Variants in CNTNAP4 observed in about 807,000 individuals in gnomAD.
CNTNAP4 encodes contactin associated protein family member 4.
In CNTNAP4, 98 loss-of-function variants were observed where a neutral mutation model predicts 148.4. The ratio of observed to expected loss-of-function variants is 0.66; its 90% CI spans 0.56 to 0.78. The LOEUF is 0.78. Among genes scored for constraint, CNTNAP4 ranks in the 30% least tolerant of loss-of-function variants. The pLI is 0.00. For missense variants in CNTNAP4, 1,935 were observed against 1,565.6 expected (o/e 1.24, Z -3.98); for synonymous variants, 730 against 565.1 (o/e 1.29, Z -4.14).
At chr16:76,457,396 G>T (rs1329852473) in intron 8 of CNTNAP4, among the ~76,000 whole-genome samples, 2 of 152,178 alleles carry the variant, frequency 1.3e-5, no homozygotes, top group African/African-American at 4.8e-5. Flanking sequence ...CTTTCTGAAG[G>T]TTCCCCCACA....
At chr16:76,476,919 G>T (rs930162874) in intron 11 of CNTNAP4, among the ~76,000 whole-genome samples, 4 of 151,854 alleles carry the variant, frequency 2.6e-5, no homozygotes, top group Admixed American at 6.6e-5. Context: ...ATAAGGAAAA[G>T]GGTGGTAGAT....
intron 1 of CNTNAP4, among the ~76,000 whole-genome samples, chr16:76,309,182 G>A (rs147960483): frequency 6.6e-6 from 1 of 151,982 alleles, no homozygotes; most frequent in Non-Finnish European, 1.5e-5. Context: ...ATGGACTTTG[G>A]TGGCTCTTTT....
chr16:76,448,125 G>A lies in CNTNAP4; in HGVS notation c.652G>A (p.Asp218Asn). 2 of 1,613,366 alleles carry A rather than the reference G, an allele frequency of 1.2e-6. No homozygotes were observed. Among genetic ancestry groups the A allele is most frequent in the Non-Finnish European group, 1.7e-6 (2 of 1,179,414 alleles). The stretch of plus-strand genomic sequence containing the variant: ...TTTGAAATTCAAAACCATGCAGAGT[G>A]ATGGGATTCTACTCCACAGGGAAGG... Reference protein sequence around the residue: ...ISLKFKTMQSDGILLHREGPN... With the variant: ...ISLKFKTMQSNGILLHREGPN... The change falls in exon 5 of 24, where the codon GAT becomes AAT. Residue 218 changes from aspartate (D) to asparagine (N), a missense_variant. Asp to Asn is a conservative substitution (Grantham distance 23). Coordinates refer to ENST00000611870, the MANE Select transcript of CNTNAP4 (RefSeq NM_033401.5).
At chr16:76,464,912 G>C (rs1288501728) in intron 9 of CNTNAP4, among the ~76,000 whole-genome samples, 1 of 152,116 alleles carries the variant, frequency 6.6e-6, no homozygotes, top group African/African-American at 2.4e-5. Context: ...TTTAAATTTA[G>C]ATTCTCTAGA....
Position 76,299,384 on chromosome 16 carries a change from A to C in CNTNAP4, c.86-17029A>C, listed in dbSNP as rs145793138. On this transcript the variant is annotated intron_variant, in intron 1 of 23. Transcript: ENST00000611870. ...GAAGACATTTATGCAGCCGACAGAC[A>C]CATGAAAAAATGCTCATCATCACTG... 5.1e-3 allele frequency among the ~76,000 whole-genome samples: 781 copies of C among 152,348 alleles called. 5 individuals are homozygous for C. Among genetic ancestry groups the C allele is most frequent in the African/African-American group, 0.018 (739 of 41,578 alleles).
chr16:76,560,405 G>C lies in CNTNAP4; in HGVS notation c.*1722G>C, dbSNP rs1597172382. 6.6e-6 allele frequency among the ~76,000 whole-genome samples: 1 copy of C among 152,114 alleles called. No homozygotes were observed. The highest frequency in any genetic ancestry group is 1.5e-5 in the Non-Finnish European group (1 of 68,004). ...ACATAGTAGTTTACGAAGGACTAAG[G>C]ACCTATGTTGGTAGATGGTATACTC... On this transcript the variant is annotated 3_prime_UTR_variant, in exon 24 of 24. Transcript: ENST00000611870.
At chr16:76,430,408 A>G (rs1218344015) in intron 4 of CNTNAP4, among the ~76,000 whole-genome samples, 1 of 152,168 alleles carries the variant, frequency 6.6e-6, no homozygotes. Context: ...GAAGGGCTGT[A>G]GTTGCTATCA....
intron 3 of CNTNAP4, among the ~76,000 whole-genome samples, chr16:76,357,980 TCTG>T (rs1366085339): frequency 6.6e-6 from 1 of 152,170 alleles, no homozygotes; most frequent in Non-Finnish European, 1.5e-5. Flanking sequence ...AGTATGTCAG[TCTG>T]CTAATCTGTG....
At chr16:76,511,054 G>T (rs1019257502) in intron 15 of CNTNAP4, among the ~76,000 whole-genome samples, 1 of 152,044 alleles carries the variant, frequency 6.6e-6, no homozygotes, top group African/African-American at 2.4e-5. Context: ...TGTGATAAAA[G>T]GTATATACAC....
chr16:76,388,855 G>A (rs536799470), intron 3 of CNTNAP4, among the ~76,000 whole-genome samples: 1 of 152,150 alleles, frequency 6.6e-6, no homozygotes, highest in Non-Finnish European at 1.5e-5. Context: ...GTACAAGTCT[G>A]TCCCAACATG....
At chr16:76,401,385 A>G (rs1451802023) in intron 3 of CNTNAP4, among the ~76,000 whole-genome samples, 1 of 152,040 alleles carries the variant, frequency 6.6e-6, no homozygotes, top group Non-Finnish European at 1.5e-5. Context: ...TGATTTTTGG[A>G]CATTGATTTT....
chr16:76,383,057 C>G (rs897797633), intron 3 of CNTNAP4, among the ~76,000 whole-genome samples: 2 of 151,486 alleles, frequency 1.3e-5, no homozygotes, highest in East Asian at 1.9e-4. Flanking sequence ...GCCAGAGAAT[C>G]AACTCATTAG....
intron 3 of CNTNAP4, among the ~76,000 whole-genome samples, chr16:76,380,125 T>C (rs771128036): frequency 6.6e-6 from 1 of 152,228 alleles, no homozygotes; most frequent in Non-Finnish European, 1.5e-5. Flanking sequence ...AGTTCAATTA[T>C]GCTGGAAAAT....
chr16:76,532,791 T>C (rs1457319750), intron 17 of CNTNAP4, among the ~76,000 whole-genome samples: 1 of 152,138 alleles, frequency 6.6e-6, no homozygotes, highest in Non-Finnish European at 1.5e-5. Flanking sequence ...CCAAAGACTT[T>C]GAGCCCTGGG....
chr16:76,443,311 T>C (rs1370498994), intron 4 of CNTNAP4, among the ~76,000 whole-genome samples: 1 of 152,202 alleles, frequency 6.6e-6, no homozygotes, highest in African/African-American at 2.4e-5. Flanking sequence ...ATTTCACATT[T>C]TTCCTATGGT....
chr16:76,345,982 A>G (rs72626201), intron 2 of CNTNAP4, among the ~76,000 whole-genome samples: 28,476 of 152,096 alleles, frequency 0.19, 3,495 homozygotes, highest in East Asian at 0.49. Context: ...AAGCCAGGGA[A>G]CAAGCCCTTA....
chr16:76,461,118 A>G (rs2080944123), intron 8 of CNTNAP4, among the ~76,000 whole-genome samples: 1 of 152,136 alleles, frequency 6.6e-6, no homozygotes, highest in Non-Finnish European at 1.5e-5. Context: ...AAGACACATC[A>G]CAGCCTTCTT....
rs370462393 is a variant in CNTNAP4, at chr16:76,553,262, G to A, written c.3443-21G>A. 3.4e-4 allele frequency: 502 copies of A among 1,482,736 alleles called. 1 individual carries two copies. The highest frequency in any genetic ancestry group is 1.9e-4 in the Non-Finnish European group (206 of 1,071,428). The allele number at this position is 1,482,736 out of a possible 1,614,324, so 91.8% of individuals were successfully genotyped here. On this transcript the variant is annotated intron_variant, in intron 21 of 23. Transcript: ENST00000611870. ...TTTCACTTTTCACTACTAATATTTCGGTGTTTCTTTGAATTTCTAGAACAC... is the reference window on the plus strand; with the variant it reads ...TTTCACTTTTCACTACTAATATTTCAGTGTTTCTTTGAATTTCTAGAACAC...
At chr16:76,297,742 T>C (rs956681164) in intron 1 of CNTNAP4, among the ~76,000 whole-genome samples, 1 of 152,210 alleles carries the variant, frequency 6.6e-6, no homozygotes, top group Non-Finnish European at 1.5e-5. Context: ...TCCTTCAGCA[T>C]GCTGTTTCAG....
Sources: gnomAD v4.1 joint callset for allele counts (sites outside exome capture counted in the v4.1 genomes callset) on GRCh38, gnomAD v4.1.1 for gene constraint, MANE v1.5 for transcripts, NCBI Gene and HGNC (gene_info 2026-07-23, HGNC 2026-07-21) for gene names.